LINGO2: variants seen among roughly 807,000 people sequenced by gnomAD.
The protein encoded by LINGO2 is leucine rich repeat and Ig domain containing 2, also known as leucine-rich repeat and immunoglobulin-like domain-containing nogo receptor-interacting protein 2.
Under a neutral mutation model 30.6 loss-of-function variants are expected in LINGO2, and 14 were observed. The ratio of observed to expected loss-of-function variants is 0.46; its 90% CI spans 0.30 to 0.72. LINGO2 has a LOEUF of 0.72. LINGO2 is among the 30% of genes least tolerant of loss of function. The pLI is 0.07. For synonymous variants in LINGO2, 317 were observed against 288.5 expected (o/e 1.10, Z -1.00); for missense variants, 729 against 751.7 (o/e 0.97, Z 0.35).
At chr9:28,787,276 T>A in the LINGO2 span, among the ~76,000 whole-genome samples, 3 of 152,152 alleles carry the variant, frequency 2.0e-5, no homozygotes, top group Middle Eastern at 3.2e-3. Flanking sequence ...TCTTGTACAC[T>A]ACAAAAACTT....
chr9:28,772,880 A>G, the LINGO2 span, among the ~76,000 whole-genome samples: 1 of 152,200 alleles, frequency 6.6e-6, no homozygotes, highest in African/African-American at 2.4e-5. Flanking sequence ...ACAAACTCAC[A>G]CCAGCTTAAT....
At chr9:28,638,082 G>A (rs149949283) in intron 1 of LINGO2, among the ~76,000 whole-genome samples, 134 of 152,206 alleles carry the variant, frequency 8.8e-4, no homozygotes, top group African/African-American at 2.8e-3. Context: ...AGATAATCAC[G>A]TGGCTTTTGT....
the LINGO2 span, among the ~76,000 whole-genome samples, chr9:29,195,054 C>A: frequency 7.1e-6 from 1 of 141,204 alleles, no homozygotes; most frequent in Non-Finnish European, 1.5e-5. Flanking sequence ...CAAACTTTGT[C>A]AAGCACTAAT....
chr9:28,611,826 TTTA>T (rs1457886174), intron 1 of LINGO2, among the ~76,000 whole-genome samples: 1 of 151,576 alleles, frequency 6.6e-6, no homozygotes, highest in African/African-American at 2.4e-5. Context: ...TATTTATTTA[TTTA>T]TTTTTTTTTG....
the LINGO2 span, among the ~76,000 whole-genome samples, chr9:28,766,608 T>C: frequency 6.6e-6 from 1 of 152,020 alleles, no homozygotes; most frequent in Non-Finnish European, 1.5e-5. Context: ...CAGCATCTCA[T>C]AGATATCTCT....
intron 3 of LINGO2, among the ~76,000 whole-genome samples, chr9:28,325,730 C>G (rs930869190): frequency 6.6e-6 from 1 of 152,118 alleles, no homozygotes; most frequent in African/African-American, 2.4e-5. Flanking sequence ...TCCATTAAAC[C>G]TCTTTTTCTT....
At position 28,436,367 on chromosome 9, in the gene LINGO2, A is replaced by G. The variant is rs1382827752; in HGVS notation, c.-279+39573T>C. Reference sequence around the variant, plus strand: ...TTAATACCTGGAGACGGTGATTGTCAGGATTCTGGCAGGAAATGGGACAGT... The same window carrying G: ...TTAATACCTGGAGACGGTGATTGTCGGGATTCTGGCAGGAAATGGGACAGT... On this transcript the variant is annotated intron_variant, in intron 2 of 5. Transcript: ENST00000379992. Among the ~76,000 whole-genome samples the G allele has an allele frequency of 3.3e-5, 5 of 152,270 alleles. No individual in the cohort carries two copies. In the South Asian group the frequency reaches 8.3e-4, roughly 25 times the overall value.
chr9:28,312,310 T>G (rs1824658220), intron 3 of LINGO2, among the ~76,000 whole-genome samples: 1 of 151,968 alleles, frequency 6.6e-6, no homozygotes, highest in Admixed American at 6.6e-5. Flanking sequence ...TTTTTTAAAT[T>G]TTTATTTGAA....
intron 3 of LINGO2, among the ~76,000 whole-genome samples, chr9:28,306,808 C>T (rs1389120323): frequency 2.6e-5 from 4 of 152,136 alleles, no homozygotes; most frequent in African/African-American, 9.7e-5. Context: ...CACCTCTACG[C>T]AAATAAACTA....
chr9:28,554,016 A>T (rs934218203), intron 1 of LINGO2, among the ~76,000 whole-genome samples: 6 of 152,130 alleles, frequency 3.9e-5, no homozygotes, highest in Non-Finnish European at 8.8e-5. Context: ...CTTAGAAAGG[A>T]ACAACTGGTA....
intron 4 of LINGO2, among the ~76,000 whole-genome samples, chr9:28,206,635 G>A (rs1223136807): frequency 6.6e-6 from 1 of 151,948 alleles, no homozygotes; most frequent in Non-Finnish European, 1.5e-5. Context: ...GTACTTAATA[G>A]GTATATTTCC....
chr9:28,344,205 G>T (rs559318163), intron 3 of LINGO2, among the ~76,000 whole-genome samples: 6 of 152,116 alleles, frequency 3.9e-5, no homozygotes, highest in Non-Finnish European at 5.9e-5. Context: ...TTTAATAACA[G>T]AAAAACAACC....
intron 4 of LINGO2, among the ~76,000 whole-genome samples, chr9:28,064,587 A>C (rs927992145): frequency 6.6e-6 from 1 of 152,156 alleles, no homozygotes; most frequent in African/African-American, 2.4e-5. Flanking sequence ...TATCTGGGGC[A>C]CTACCTCATC....
the LINGO2 span, among the ~76,000 whole-genome samples, chr9:28,872,963 A>C: frequency 6.6e-6 from 1 of 152,300 alleles, no homozygotes; most frequent in South Asian, 2.1e-4. Context: ...GCAATGACAA[A>C]GAAAATAAAT....
intron 4 of LINGO2, among the ~76,000 whole-genome samples, chr9:28,043,695 ATT>A (rs1465975566): frequency 1.3e-5 from 2 of 152,126 alleles, no homozygotes; most frequent in Non-Finnish European, 2.9e-5. Context: ...TCAATGATCA[ATT>A]TTGTTTCATC....
chr9:29,015,977 C>T, the LINGO2 span, among the ~76,000 whole-genome samples: 1 of 152,124 alleles, frequency 6.6e-6, no homozygotes, highest in African/African-American at 2.4e-5. Flanking sequence ...GTCAATTCTA[C>T]TTTTCTAACT....
rs571417830 is a variant in LINGO2 at position 28,337,141 on chromosome 9, AGT to A, written c.-246+35693_-246+35694del. ...TATATAGAGAAATTCCTGAAAGCACAGTGTTATATTTTATAGAATAATAGTAG... is the reference window on the plus strand; with the variant it reads ...TATATAGAGAAATTCCTGAAAGCACAGTTATATTTTATAGAATAATAGTAG... On this transcript the variant is annotated intron_variant, in intron 3 of 5. Transcript: ENST00000379992. 5.8e-3 allele frequency among the ~76,000 whole-genome samples: 879 copies of A among 150,384 alleles called. 10 individuals carry two copies. The highest frequency in any genetic ancestry group is 0.02 in the African/African-American group (824 of 41,294).
At chr9:28,305,976 T>C (rs984606077) in intron 3 of LINGO2, among the ~76,000 whole-genome samples, 4 of 152,218 alleles carry the variant, frequency 2.6e-5, no homozygotes, top group African/African-American at 9.6e-5. Context: ...TCAGAGTATA[T>C]GAAGTATTTG....
intron 4 of LINGO2, among the ~76,000 whole-genome samples, chr9:28,126,871 T>C (rs994310248): frequency 4.6e-5 from 7 of 152,154 alleles, no homozygotes; most frequent in African/African-American, 1.7e-4. Context: ...GAAACAGTAC[T>C]CTCTAAACTT....
Sources: gnomAD v4.1 joint callset for allele counts (sites outside exome capture counted in the v4.1 genomes callset) on GRCh38, gnomAD v4.1.1 for gene constraint, MANE v1.5 for transcripts, NCBI Gene and HGNC (gene_info 2026-07-23, HGNC 2026-07-21) for gene names.